ZNF565: variants seen among roughly 807,000 people sequenced by gnomAD.
ZNF565 encodes zinc finger protein 565.
Under a neutral mutation model 39.4 loss-of-function variants are expected in ZNF565, and 27 were observed. The observed-to-expected ratio is 0.69, with a 90% CI of 0.51 to 0.95. The LOEUF (loss-of-function observed/expected upper bound fraction) is 0.95. ZNF565 is among the 40% of genes least tolerant of loss of function. The pLI is 0.00. For synonymous variants in ZNF565, 185 were observed against 216.6 expected (o/e 0.85, Z 1.28); for missense variants, 524 against 621.1 (o/e 0.84, Z 1.66).
chr19:36,182,435 G>A lies in ZNF565; in HGVS notation c.*31C>T. 1 of 1,520,286 alleles carries A rather than the reference G, an allele frequency of 6.6e-7. No homozygotes were observed. Among genetic ancestry groups the A allele is most frequent in the Non-Finnish European group, 8.8e-7 (1 of 1,135,330 alleles). The allele number at this position is 1,520,286 out of a possible 1,614,324, so 94.2% of individuals were successfully genotyped here. Reference sequence around the variant, plus strand: ...AGCCAGATGTGAACTCCACATAAAGGCTTATCTTTATCCCTTACACTCAAG... The same window carrying A: ...AGCCAGATGTGAACTCCACATAAAGACTTATCTTTATCCCTTACACTCAAG... On this transcript the variant is annotated 3_prime_UTR_variant, in exon 5 of 5. Transcript: ENST00000304116.
At chr19:36,198,570 C>T (rs765654544) in intron 2 of ZNF565, among the ~76,000 whole-genome samples, 1 of 151,732 alleles carries the variant, frequency 6.6e-6, no homozygotes. Context: ...GATAGCACAA[C>T]AGGGTGACTA....
chr19:36,245,573 C>T lies in ZNF565; in HGVS notation c.-43G>A. On this transcript the variant is annotated 5_prime_UTR_variant, in exon 1 of 5. Coordinates refer to the ZNF565 transcript ENST00000355114. This position sits in a 1 kb window ranked among gnomAD's most constrained non-coding sequence, Gnocchi z 4.4. ...CTGGACTACATTTCCCAGGGTCCACCGCGGATCTAGGAGGAGGCTTGAGAT... is the reference window on the plus strand; with the variant it reads ...CTGGACTACATTTCCCAGGGTCCACTGCGGATCTAGGAGGAGGCTTGAGAT... The T allele has an allele frequency of 1.4e-6, 1 of 702,168 alleles. No individual in the cohort carries two copies. Among genetic ancestry groups the T allele is most frequent in the Middle Eastern group, 2.3e-4 (1 of 4,364 alleles). 43.5% of individuals were successfully genotyped at this position (702,168 alleles called of 1,614,324 possible).
At chr19:36,216,084 G>A (rs1976591552), upstream of ZNF565, among the ~76,000 whole-genome samples, 1 of 152,086 alleles carries the variant, frequency 6.6e-6, no homozygotes, top group African/African-American at 2.4e-5. Context: ...ATTACAAAAA[G>A]TTAAATAAAG....
chr19:36,228,158 C>CA (rs71171422), intron 1 of ZNF565, among the ~76,000 whole-genome samples: 3,044 of 106,566 alleles, frequency 0.029, 49 homozygotes, highest in African/African-American at 0.05. Context: ...GAAACTGTCT[C>CA]AAAAAAAAAA....
At chr19:36,208,191 T>C (rs991740133) in intron 1 of ZNF565, among the ~76,000 whole-genome samples, 11 of 149,204 alleles carry the variant, frequency 7.4e-5, no homozygotes, top group African/African-American at 2.7e-4. Context: ...ATGTGAATTA[T>C]GAGTTACAGG....
At chr19:36,191,314 C>CTTTT (rs768603825) in intron 4 of ZNF565, among the ~76,000 whole-genome samples, 20 of 125,030 alleles carry the variant, frequency 1.6e-4, no homozygotes, top group South Asian at 5.1e-4. Context: ...ATTTTTCTTT[C>CTTTT]TTTTTTTTTT....
chr19:36,193,441 CTTTTTTTT>C (rs918390781), intron 4 of ZNF565, among the ~76,000 whole-genome samples: 4 of 131,854 alleles, frequency 3.0e-5, no homozygotes, highest in Non-Finnish European at 4.9e-5. Flanking sequence ...TTTCTTTTTT[CTTTTTTTT>C]TTTTTTTTTG....
At chr19:36,231,269 G>C (rs1977355674) in intron 1 of ZNF565, among the ~76,000 whole-genome samples, 1 of 152,044 alleles carries the variant, frequency 6.6e-6, no homozygotes, top group Non-Finnish European at 1.5e-5. Flanking sequence ...GAGTGCGGTG[G>C]TGCCATCGTG....
intron 1 of ZNF565, among the ~76,000 whole-genome samples, chr19:36,219,947 C>G (rs1461232030): frequency 6.6e-6 from 1 of 151,962 alleles, no homozygotes; most frequent in Non-Finnish European, 1.5e-5. Context: ...CTGGCTTTTT[C>G]TTTCTTAAAC....
At chr19:36,216,343 A>C (rs1976604233), upstream of ZNF565, among the ~76,000 whole-genome samples, 1 of 152,152 alleles carries the variant, frequency 6.6e-6, no homozygotes, top group African/African-American at 2.4e-5. Flanking sequence ...TGAATGTATT[A>C]ATTTACTGTG....
chr19:36,204,510 T>C (rs994460340), intron 1 of ZNF565, among the ~76,000 whole-genome samples: 1 of 152,226 alleles, frequency 6.6e-6, no homozygotes, highest in Non-Finnish European at 1.5e-5. Flanking sequence ...TGTTCTGTGA[T>C]GATGGAAATC....
Position 36,182,527 on chromosome 19 carries a change from C to T in ZNF565, c.1439G>A (p.Cys480Tyr). ...TGAGCCAAGAATAAATGCCTGCCCA[C>T]ACTCTCTACATTCGTAAGGTTTGAT... Reference protein sequence around the residue: ...PGIKPYECRECGQAFILGSQL... With the variant: ...PGIKPYECREYGQAFILGSQL... Residue 480 changes from cysteine to tyrosine, a missense_variant, in exon 5 of 5, where the codon TGT becomes TAT. Cys to Tyr is a radical substitution (Grantham distance 194, BLOSUM62 -2). Coordinates refer to ENST00000304116, the MANE Select transcript of ZNF565 (RefSeq NM_152477.5). 1 of 1,607,506 alleles carries T rather than the reference C, an allele frequency of 6.2e-7. No homozygotes were observed. Among genetic ancestry groups the T allele is most frequent in the Non-Finnish European group, 8.5e-7 (1 of 1,176,824 alleles).
chr19:36,230,794 T>G (rs1251776046), intron 1 of ZNF565, among the ~76,000 whole-genome samples: 3 of 152,152 alleles, frequency 2.0e-5, no homozygotes, highest in Middle Eastern at 3.4e-3. Flanking sequence ...GGGCCAGCCT[T>G]CCTTCCTTTT....
At position 36,183,102 on chromosome 19, in the gene ZNF565, G is replaced by A. The variant is rs146589483; in HGVS notation, c.864C>T (p.Phe288=). The A allele has an allele frequency of 4.3e-6, 7 of 1,614,016 alleles. No homozygotes were observed. The African/African-American group carries it at 9.3e-5, about 22-fold the overall frequency. ...PYVCKDCGKA[F]IRGSQLTVHR... is the part of the protein sequence containing the mutation. Reference sequence around the variant, plus strand: ...GCACAGTGAGTTGGGAGCCACGAATGAAAGCCTTGCCACAGTCTTTACATA... The same window carrying A: ...GCACAGTGAGTTGGGAGCCACGAATAAAAGCCTTGCCACAGTCTTTACATA... The change falls in exon 5 of 5, where the codon TTC becomes TTT. Residue 288 remains phenylalanine, a synonymous_variant. Coordinates refer to ENST00000304116, the MANE Select transcript of ZNF565 (RefSeq NM_152477.5).
At chr19:36,240,247 G>C (rs950963262) in intron 1 of ZNF565, among the ~76,000 whole-genome samples, 1 of 152,172 alleles carries the variant, frequency 6.6e-6, no homozygotes, top group Non-Finnish European at 1.5e-5. Flanking sequence ...ATTGTATTAG[G>C]TATTATGACT....
At chr19:36,218,152 G>C (rs1014128275), upstream of ZNF565, 7 of 141,708 alleles carry the variant, frequency 4.9e-5, no homozygotes, top group Non-Finnish European at 3.0e-5. Flanking sequence ...CAGACTTCCT[G>C]TGTTAACTCC....
intron 2 of ZNF565, among the ~76,000 whole-genome samples, chr19:36,197,104 C>G (rs1465369862): frequency 6.6e-6 from 1 of 151,392 alleles, no homozygotes; most frequent in East Asian, 1.9e-4. Flanking sequence ...AACCCTGTCT[C>G]TACTAAAACT....
chr19:36,233,924 A>G (rs1349915942), intron 1 of ZNF565, among the ~76,000 whole-genome samples: 1 of 152,082 alleles, frequency 6.6e-6, no homozygotes, highest in Admixed American at 6.5e-5. Context: ...CGGGTGTCGG[A>G]CTGGGGGACG....
Position 36,194,453 on chromosome 19 carries a change from C to G in ZNF565, c.137-125G>C. The G allele has an allele frequency of 6.3e-6, 4 of 637,290 alleles. No individual in the cohort carries two copies. The South Asian group carries it at 9.2e-5, about 15-fold the overall frequency. 39.5% of individuals were successfully genotyped at this position (637,290 alleles called of 1,614,324 possible). On this transcript the variant is annotated intron_variant, in intron 3 of 4. Transcript: ENST00000304116. ...AAGGTTGTCCAAAGGATAGGAAGAC[C>G]GAGCTGCCCAGCAGAATGACTTGTT...
Sources: allele counts gnomAD v4.1 joint callset (sites outside exome capture counted in the v4.1 genomes callset), GRCh38; gene constraint gnomAD v4.1.1; non-coding constraint Gnocchi (gnomAD v3.1); transcripts MANE v1.5; gene names NCBI Gene and HGNC (gene_info 2026-07-23, HGNC 2026-07-21).